Variants in HECTD4 observed in about 807,000 individuals in gnomAD.
The protein encoded by HECTD4 is probable E3 ubiquitin-protein ligase HECTD4.
In HECTD4, 114 loss-of-function variants were observed where a neutral mutation model predicts 471.5. That is an observed-to-expected ratio of 0.24 (90% CI 0.21 to 0.28). The LOEUF is 0.28. Among genes scored for constraint, HECTD4 ranks in the 10% least tolerant of loss-of-function variants. The pLI is 1.00. For synonymous variants in HECTD4, 2,012 were observed against 2,256.0 expected, an observed-to-expected ratio of 0.89 and a Z score of 3.07; for missense variants, 3,866 against 5,651.5, an observed-to-expected ratio of 0.68 and a Z score of 10.13.
At chr12:112,274,124 T>A (rs1593998820) in intron 10 of HECTD4, among the ~76,000 whole-genome samples, 1 of 152,184 alleles carries the variant, frequency 6.6e-6, no homozygotes, top group Admixed American at 6.5e-5. Flanking sequence ...CAATTAACAT[T>A]AATGCAAAAT....
At chr12:112,339,851 C>A (rs2036024420) in intron 1 of HECTD4, among the ~76,000 whole-genome samples, 1 of 152,036 alleles carries the variant, frequency 6.6e-6, no homozygotes. Flanking sequence ...GAGTTCGAGA[C>A]CAGCCTGGCC....
chr12:112,230,770 C>A lies in HECTD4; in HGVS notation c.6253G>T (p.Ala2085Ser). Residue 2085 changes from alanine (A) to serine (S), a missense_variant, in exon 40 of 76, where the codon GCA becomes TCA. Transcript: ENST00000682272. ...CTATGTAGCAAGGCGATCACTTCTG[C>A]AGCCATGCTGTTTGCCACATGCCCA... is the stretch of plus-strand genomic sequence containing the variant. ...ISGHVANSMA[A>S]EVIALLHSLL... 1 of 1,611,016 alleles carries A rather than the reference C, an allele frequency of 6.2e-7. No homozygotes were observed. Among genetic ancestry groups the A allele is most frequent in the Non-Finnish European group, 8.5e-7 (1 of 1,178,606 alleles).
At chr12:112,286,802 A>C (rs2034764022) in intron 7 of HECTD4, among the ~76,000 whole-genome samples, 1 of 152,156 alleles carries the variant, frequency 6.6e-6, no homozygotes, top group Non-Finnish European at 1.5e-5. Context: ...AGGGCCTCAC[A>C]AGGGCCAATG....
chr12:112,382,314 G>A lies in HECTD4; in HGVS notation c.-186C>T. 1 of 465,220 alleles carries A rather than the reference G, an allele frequency of 2.1e-6. No individual in the cohort carries two copies. Among genetic ancestry groups the A allele is most frequent in the African/African-American group, 2.2e-5 (1 of 44,498 alleles). The allele number at this position is 465,220 out of a possible 1,614,324, so 28.8% of individuals were successfully genotyped here. ...CGCCATACCCCCGACCCCGGCCCGG[G>A]AGACCCCGGCCCTGCCGCCGCCGCC... On this transcript the variant is annotated 5_prime_UTR_variant, in exon 1 of 76. Coordinates refer to ENST00000682272, the MANE Select transcript of HECTD4 (RefSeq NM_001388303.1).
In HECTD4 at chr12:112,381,585, GA is replaced by G. The variant is rs576143502; in HGVS notation, c.177+366del. On this transcript the variant is annotated intron_variant, in intron 1 of 75. Coordinates refer to ENST00000682272, the MANE Select transcript of HECTD4 (RefSeq NM_001388303.1). This position sits in a 1 kb window ranked among gnomAD's most constrained non-coding sequence, Gnocchi z 4.1. ...AGCTAAGCAACCTGGGTGTGCCCTG[GA>G]AGTGGGTCCTGGGGGCCCGTGGGGG... Among the ~76,000 whole-genome samples, 240 of 151,918 alleles carry G rather than the reference GA, an allele frequency of 1.6e-3. 3 individuals carry two copies. The highest frequency in any genetic ancestry group is 5.4e-3 in the African/African-American group (226 of 41,522).
Position 112,243,994 on chromosome 12 carries a change from G to C in HECTD4, c.4529C>G (p.Ser1510Cys), listed in dbSNP as rs990059092. 4.3e-6 allele frequency: 7 copies of C among 1,613,806 alleles called. No homozygotes were observed. In the Admixed American group the frequency reaches 6.7e-5, roughly 15 times the overall value. Reference sequence around the variant, plus strand: ...AGCGTGAGATATCACTTTTGTTTCAGAAGCTGATTTACAAGCTAGAAAAAA... The same window carrying C: ...AGCGTGAGATATCACTTTTGTTTCACAAGCTGATTTACAAGCTAGAAAAAA... ...PAETPACKSASETKVISHAVR... is the reference protein window; with the variant it reads ...PAETPACKSACETKVISHAVR... The change falls in exon 30 of 76, where the codon TCT (serine) becomes TGT (cysteine). Residue 1510 changes from serine to cysteine, a missense_variant. Transcript: ENST00000682272. The surrounding 1 kb of genome is among the most constrained non-coding windows in gnomAD (Gnocchi z 6.6).
intron 45 of HECTD4, among the ~76,000 whole-genome samples, chr12:112,218,670 C>T (rs1284322793): frequency 6.6e-6 from 1 of 152,058 alleles, no homozygotes; most frequent in African/African-American, 2.4e-5. Flanking sequence ...TTTGCAGTTT[C>T]CACTTTTTGG....
At position 112,192,671 on chromosome 12, in the gene HECTD4, C is replaced by T. The variant is rs756287162; in HGVS notation, c.9181G>A (p.Ala3061Thr). 8 of 1,604,780 alleles carry T rather than the reference C, an allele frequency of 5.0e-6. No homozygotes were observed. In the Admixed American group the frequency reaches 5.1e-5, roughly 10 times the overall value. Reference sequence around the variant, plus strand: ...GGGGACGCGTCCCGCGGGTAACAGGCGGCCTCGATGAGGTTCAGCTGGCCA... The same window carrying T: ...GGGGACGCGTCCCGCGGGTAACAGGTGGCCTCGATGAGGTTCAGCTGGCCA... Reference protein sequence around the residue: ...RNGQLNLIEAACYPRDASPAN... With the variant: ...RNGQLNLIEATCYPRDASPAN... Residue 3061 changes from alanine (A) to threonine (T), a missense_variant, in exon 59 of 76, where the codon GCC (alanine) becomes ACC (threonine). Physicochemically the swap from Ala to Thr is moderately conservative, Grantham distance 58. Transcript: ENST00000682272.
At chr12:112,353,164 A>C (rs1455196146) in intron 1 of HECTD4, among the ~76,000 whole-genome samples, 1 of 152,232 alleles carries the variant, frequency 6.6e-6, no homozygotes, top group Non-Finnish European at 1.5e-5. Context: ...CCTGACTGGC[A>C]GCCACCATTA....
chr12:112,361,903 T>C (rs1227709272), intron 1 of HECTD4, among the ~76,000 whole-genome samples: 1 of 152,214 alleles, frequency 6.6e-6, no homozygotes, highest in African/African-American at 2.4e-5. Context: ...ATGTGCAAGA[T>C]ATATACTTAT....
chr12:112,347,366 G>A (rs914248230), intron 1 of HECTD4, among the ~76,000 whole-genome samples: 5 of 152,008 alleles, frequency 3.3e-5, no homozygotes, highest in African/African-American at 9.7e-5. Context: ...AAAATTAGCC[G>A]GGTGTGATGG....
Position 112,163,458 on chromosome 12 carries a change from T to A in HECTD4, c.12897+84A>T. The A allele has an allele frequency of 8.1e-7, 1 of 1,232,090 alleles. No homozygotes were observed. The highest frequency in any genetic ancestry group is 1.1e-6 in the Non-Finnish European group (1 of 901,270). 76.3% of individuals were successfully genotyped at this position (1,232,090 alleles called of 1,614,324 possible). On this transcript the variant is annotated intron_variant, in intron 74 of 75. Transcript: ENST00000682272. This position sits in a 1 kb window ranked among gnomAD's most constrained non-coding sequence, Gnocchi z 8.2. ...CAGAGCTGAGACAGGCCACTGCCGA[T>A]GCCTGCTGCTGGAGTTGAGGGTGAC...
chr12:112,229,936 C>T, intron 40 of HECTD4, 56 bp from the exon 41 acceptor site: 1 of 1,493,642 alleles, frequency 6.7e-7, no homozygotes, highest in Non-Finnish European at 9.1e-7. Context: ...GTTTTGATGC[C>T]AAGGGTGATA....
chr12:112,308,441 A>C lies in HECTD4; in HGVS notation c.1164+312T>G, dbSNP rs927461615. On this transcript the variant is annotated intron_variant, in intron 6 of 75. Coordinates refer to ENST00000682272, the MANE Select transcript of HECTD4 (RefSeq NM_001388303.1). ...AGATCTGGTTCAAAAAAAGCAAAAA[A>C]AAAAACAAAAACAAAACAAAAAAAA... Among the ~76,000 whole-genome samples the C allele has an allele frequency of 2.5e-4, 37 of 148,592 alleles. No homozygotes were observed. In the East Asian group the frequency reaches 6.6e-3, roughly 27 times the overall value.
intron 1 of HECTD4, among the ~76,000 whole-genome samples, chr12:112,328,646 TTC>T (rs1295815944): frequency 6.6e-6 from 1 of 152,188 alleles, no homozygotes; most frequent in African/African-American, 2.4e-5. Context: ...GAGGGTGGAA[TTC>T]TCTCTTACTA....
At chr12:112,198,199 C>G (rs184788593) in intron 55 of HECTD4, among the ~76,000 whole-genome samples, 9 of 152,300 alleles carry the variant, frequency 5.9e-5, no homozygotes, top group Admixed American at 5.2e-4. Context: ...CCTGGGAGAG[C>G]ATTAAAATAC....
At chr12:112,277,018 C>T (rs1459762537) in intron 9 of HECTD4, among the ~76,000 whole-genome samples, 1 of 152,126 alleles carries the variant, frequency 6.6e-6, no homozygotes, top group African/African-American at 2.4e-5. Context: ...CTTTGGGAAA[C>T]AGTTTAGCAG....
At chr12:112,241,589 G>T (rs1459031917) in intron 32 of HECTD4, among the ~76,000 whole-genome samples, 1 of 152,148 alleles carries the variant, frequency 6.6e-6, no homozygotes, top group East Asian at 1.9e-4. Context: ...AGCTTCTCCA[G>T]TAGCTGGGAC....
chr12:112,188,212 C>T lies in HECTD4; in HGVS notation c.9472+2574G>A, dbSNP rs938950020. Among the ~76,000 whole-genome samples the T allele has an allele frequency of 5.3e-5, 8 of 152,126 alleles. No homozygotes were observed. Among genetic ancestry groups the T allele is most frequent in the African/African-American group, 1.9e-4 (8 of 41,430 alleles). On this transcript the variant is annotated intron_variant, in intron 60 of 75. Coordinates refer to ENST00000682272, the MANE Select transcript of HECTD4 (RefSeq NM_001388303.1). The surrounding 1 kb of genome is among the most constrained non-coding windows in gnomAD (Gnocchi z 4.2). ...GCTGGGGCAGGAGAATCACTTGAAC[C>T]CAGGAGGTGGAAGTTGCAGTGAGCT... is the stretch of plus-strand genomic sequence containing the variant.
Sources: gnomAD v4.1 joint callset for allele counts (sites outside exome capture counted in the v4.1 genomes callset) on GRCh38, gnomAD v4.1.1 for gene constraint, Gnocchi (gnomAD v3.1) non-coding constraint, MANE v1.5 for transcripts, NCBI Gene and HGNC (gene_info 2026-07-23, HGNC 2026-07-21) for gene names.